The following ALG9 variants were observed in gnomAD, a reference collection of about 807,000 sequenced individuals.
ALG9 encodes ALG9 alpha-1,2-mannosyltransferase.
Under a neutral mutation model 81.8 loss-of-function variants are expected in ALG9, and 55 were observed. That is an observed-to-expected ratio of 0.67 (90% CI 0.54 to 0.84). ALG9 has a LOEUF of 0.84. Ranked by LOEUF, ALG9 falls within the 40% of genes least tolerant of loss-of-function variation. The pLI is 0.00. For synonymous variants in ALG9, 278 were observed against 274.3 expected (o/e 1.01, Z -0.13); for missense variants, 629 against 745.0 (o/e 0.84, Z 1.81).
At chr11:111,791,505 T>C (rs1258263912) in intron 14 of ALG9, among the ~76,000 whole-genome samples, 1 of 152,178 alleles carries the variant, frequency 6.6e-6, no homozygotes, top group Non-Finnish European at 1.5e-5. Flanking sequence ...TCAGGTTAAA[T>C]ACTCTGTGCA....
chr11:111,860,663 T>C, intron 4 of ALG9, 28 bp from the exon 5 acceptor site: 5 of 1,543,418 alleles, frequency 3.2e-6, no homozygotes, highest in African/African-American at 1.4e-5. Context: ...ACTATCAGCA[T>C]TGAGAATATT....
chr11:111,871,281 T>G, intron 1 of ALG9, 71 bp downstream of exon 1: 1 of 1,363,120 alleles, frequency 7.3e-7, no homozygotes, highest in Non-Finnish European at 9.4e-7. Flanking sequence ...GCGCCACAGC[T>G]AAGACCCTCC....
chr11:111,776,432 A>G, the ALG9 span, among the ~76,000 whole-genome samples: 2 of 152,122 alleles, frequency 1.3e-5, no homozygotes, highest in Non-Finnish European at 2.9e-5. Flanking sequence ...TCCACTAAAA[A>G]TACAAAAGTT....
intron 13 of ALG9, among the ~76,000 whole-genome samples, chr11:111,832,446 A>ATT (rs201161293): frequency 2.7e-5 from 4 of 147,834 alleles, no homozygotes; most frequent in African/African-American, 9.9e-5. Flanking sequence ...TGGCTAATTT[A>ATT]TTTTTTTTTT....
chr11:111,802,787 C>T (rs782022561), intron 14 of ALG9, among the ~76,000 whole-genome samples: 1 of 152,296 alleles, frequency 6.6e-6, no homozygotes, highest in Non-Finnish European at 1.5e-5. Context: ...AAGGCTCCAA[C>T]GGATTCTGGA....
chr11:111,836,772 A>G (rs1955363520), intron 12 of ALG9: 1 of 177,474 alleles, frequency 5.6e-6, no homozygotes, highest in Admixed American at 5.6e-5. Context: ...TAAAGTCAAC[A>G]CTTAAAAAAC....
At chr11:111,789,452 C>A (rs1370298100) in intron 14 of ALG9, among the ~76,000 whole-genome samples, 2 of 151,688 alleles carry the variant, frequency 1.3e-5, no homozygotes, top group African/African-American at 4.8e-5. Context: ...GTTGTCCAGG[C>A]TGGCCTTGAA....
At chr11:111,859,327 C>T (rs1959200548) in intron 5 of ALG9, among the ~76,000 whole-genome samples, 1 of 151,930 alleles carries the variant, frequency 6.6e-6, no homozygotes, top group Non-Finnish European at 1.5e-5. Flanking sequence ...CATGGTGAAA[C>T]CCCATCTCTA....
intron 13 of ALG9, 118 bp downstream of exon 13, chr11:111,836,047 C>A (rs1955194654): frequency 7.2e-7 from 1 of 1,383,050 alleles, no homozygotes. Context: ...CAGCACCCGG[C>A]CTTAAAAAAA....
At chr11:111,814,349 T>C (rs1452002006) in intron 13 of ALG9, among the ~76,000 whole-genome samples, 1 of 151,914 alleles carries the variant, frequency 6.6e-6, no homozygotes, top group African/African-American at 2.4e-5. Context: ...AGCAAGAAAA[T>C]CATTACCACA....
chr11:111,853,299 C>T (rs907528492), intron 8 of ALG9, 81 bp downstream of exon 8: 76 of 919,572 alleles, frequency 8.3e-5, no homozygotes, highest in Middle Eastern at 6.7e-4. Context: ...TCTAATAATA[C>T]GAGGCAACTG....
At chr11:111,770,898 A>G in the ALG9 span, 1 of 152,210 alleles carries the variant, frequency 6.6e-6, no homozygotes, top group African/African-American at 2.4e-5. Flanking sequence ...GCAACAGCTG[A>G]GATTAGGTTG....
chr11:111,851,753 G>A (rs941320719), intron 8 of ALG9, among the ~76,000 whole-genome samples: 11 of 152,004 alleles, frequency 7.2e-5, no homozygotes, highest in Admixed American at 1.3e-4. Context: ...TTGTGAAATA[G>A]AATAAAATTT....
intron 13 of ALG9, among the ~76,000 whole-genome samples, chr11:111,835,494 C>T (rs939733368): frequency 1.3e-5 from 2 of 152,078 alleles, no homozygotes; most frequent in African/African-American, 2.4e-5. Context: ...TTGTTAAAAC[C>T]GGAATATACT....
intron 13 of ALG9, among the ~76,000 whole-genome samples, chr11:111,820,386 A>G (rs572491987): frequency 3.7e-4 from 57 of 152,366 alleles, no homozygotes; most frequent in African/African-American, 1.3e-3. Flanking sequence ...TCATGGCAGA[A>G]GGCAGCACAT....
chr11:111,864,742 A>G (rs776090323), intron 4 of ALG9, among the ~76,000 whole-genome samples: 23 of 152,124 alleles, frequency 1.5e-4, no homozygotes, highest in South Asian at 8.3e-4. Context: ...TATATGATAT[A>G]TATATCAGGA....
At chr11:111,816,142 G>A (rs1951437432) in intron 13 of ALG9, among the ~76,000 whole-genome samples, 1 of 152,202 alleles carries the variant, frequency 6.6e-6, no homozygotes, top group Non-Finnish European at 1.5e-5. Context: ...ACACTTTTGA[G>A]TATTGAATTT....
intron 13 of ALG9, among the ~76,000 whole-genome samples, chr11:111,833,077 G>C (rs782744963): frequency 8.5e-5 from 13 of 152,238 alleles, no homozygotes; most frequent in Admixed American, 2.0e-4. Flanking sequence ...GTCTGCTTAA[G>C]CATTAAATTA....
intron 2 of ALG9, 87 bp downstream of exon 2, chr11:111,870,145 A>C (rs1338677351): frequency 7.1e-7 from 1 of 1,404,892 alleles, no homozygotes; most frequent in Non-Finnish European, 9.6e-7. Context: ...TAGGAGTCAC[A>C]CTTGTATATT....
Sources: gnomAD v4.1 joint callset for allele counts (sites outside exome capture counted in the v4.1 genomes callset) on GRCh38, gnomAD v4.1.1 for gene constraint, MANE v1.5 for transcripts, NCBI Gene and HGNC (gene_info 2026-07-23, HGNC 2026-07-21) for gene names.